HERC1: variants seen among roughly 807,000 people sequenced by gnomAD.
The protein encoded by HERC1 is probable E3 ubiquitin-protein ligase HERC1.
A neutral mutation model predicts 554.3 loss-of-function variants in HERC1; 160 were observed. That is an observed-to-expected ratio of 0.29 (90% CI 0.25 to 0.33). HERC1 has a LOEUF of 0.33. Among genes scored for constraint, HERC1 ranks in the 10% least tolerant of loss-of-function variants. The probability of loss-of-function intolerance (pLI) is 1.00; values close to 1 mark genes in which losing one functional copy is unlikely to be tolerated. For missense variants in HERC1, 4,919 were observed against 5,918.5 expected (o/e 0.83, Z 5.54); for synonymous variants, 2,175 against 2,131.7 (o/e 1.02, Z -0.56).
Position 63,633,970 on chromosome 15 carries a change from C to T in HERC1, c.12571G>A (p.Val4191Met), listed in dbSNP as rs767816509. The T allele has an allele frequency of 3.7e-6, 6 of 1,613,692 alleles. No individual in the cohort carries two copies. Among genetic ancestry groups the T allele is most frequent in the Non-Finnish European group, 5.1e-6 (6 of 1,179,806 alleles). Residue 4191 changes from valine to methionine, a missense_variant and splice_region_variant, in exon 67 of 78, where the codon GTG (valine) becomes ATG (methionine). Physicochemically the swap from Val to Met is conservative, Grantham distance 21 (BLOSUM62 1). Coordinates refer to ENST00000443617, the MANE Select transcript of HERC1 (RefSeq NM_003922.4). Reference protein sequence around the residue: ...TALEGYQIGQVACGLNHTLAV... With the variant: ...TALEGYQIGQMACGLNHTLAV... ...AAAGTGTGGTTTAATCCACAGGCCA[C>T]CTAAAGAAATAACAGCATTCCGTAA...
chr15:63,643,947 A>G (rs2069195362), intron 57 of HERC1, among the ~76,000 whole-genome samples: 1 of 152,178 alleles, frequency 6.6e-6, no homozygotes, highest in Non-Finnish European at 1.5e-5. Context: ...GACTCTATAT[A>G]AATAGATTCC....
Position 63,734,929 on chromosome 15 carries a change from A to G in HERC1, c.2521-80T>C. 1 of 1,206,272 alleles carries G rather than the reference A, an allele frequency of 8.3e-7. No individual in the cohort carries two copies. The highest frequency in any genetic ancestry group is 1.6e-5 in the African/African-American group (1 of 63,978). The allele number at this position is 1,206,272 out of a possible 1,614,324, so 74.7% of individuals were successfully genotyped here. A position where few individuals can be genotyped will look rare whatever the true frequency, so the allele number is the denominator to read the frequency against. On this transcript the variant is annotated intron_variant, in intron 12 of 77. Transcript: ENST00000443617. The surrounding 1 kb of genome is among the most constrained non-coding windows in gnomAD (Gnocchi z 4.6). Reference sequence around the variant, plus strand: ...AAACACACTTAAAGCGAACTCACTGACTACTAGGATCATGTAAGTCTAAAA... The same window carrying G: ...AAACACACTTAAAGCGAACTCACTGGCTACTAGGATCATGTAAGTCTAAAA...
Position 63,608,830 on chromosome 15 carries a change from CA to C in HERC1, c.*250del. ...CCAAAATGGTTTCATGCAAACTTAT[CA>C]AAAGTGACCAAAAATATGGAGGGAA... On this transcript the variant is annotated 3_prime_UTR_variant, in exon 78 of 78. Transcript: ENST00000443617. The C allele has an allele frequency of 2.9e-6, 1 of 345,474 alleles. No homozygotes were observed. The highest frequency in any genetic ancestry group is 5.3e-6 in the Non-Finnish European group (1 of 190,312). 21.4% of individuals were successfully genotyped at this position (345,474 alleles called of 1,614,324 possible). A position where few individuals can be genotyped will look rare whatever the true frequency, so the allele number is the denominator to read the frequency against.
At chr15:63,721,316 G>A (rs146496018) in intron 19 of HERC1, among the ~76,000 whole-genome samples, 92 of 152,250 alleles carry the variant, frequency 6.0e-4, no homozygotes, top group African/African-American at 1.4e-3. Context: ...CTGAGGTCAC[G>A]AGTTCGAGAC....
intron 21 of HERC1, among the ~76,000 whole-genome samples, chr15:63,717,375 A>C (rs566899028): frequency 6.6e-6 from 1 of 152,204 alleles, no homozygotes; most frequent in Non-Finnish European, 1.5e-5. Context: ...TGGTTTTTTA[A>C]ATCTAAGGAC....
At position 63,660,959 on chromosome 15, in the gene HERC1, TCAAAA is replaced by T. The variant is rs746888105; in HGVS notation, c.9223+9_9223+13del. The T allele has an allele frequency of 1.3e-5, 20 of 1,572,592 alleles. No individual in the cohort carries two copies. In the East Asian group the frequency reaches 4.0e-4, roughly 32 times the overall value. On this transcript the variant is annotated intron_variant, in intron 46 of 77. Transcript: ENST00000443617. ...AAAAACATGTAAAATAAAGAAGCTC[TCAAAA>T]CAAACTACCTTCATACACACTGTCT... is the stretch of plus-strand genomic sequence containing the variant.
intron 1 of HERC1, among the ~76,000 whole-genome samples, chr15:63,831,519 C>A (rs973846198): frequency 7.9e-5 from 12 of 152,124 alleles, no homozygotes; most frequent in Admixed American, 1.3e-4. Context: ...TCACAAGTTT[C>A]TTTTTATCCT....
chr15:63,610,273 G>A lies in HERC1; in HGVS notation c.14401-1007C>T, dbSNP rs547049508. Among the ~76,000 whole-genome samples, 102 of 152,322 alleles carry A rather than the reference G, an allele frequency of 6.7e-4. 2 individuals are homozygous for A. In the South Asian group the frequency reaches 0.02, roughly 30 times the overall value. On this transcript the variant is annotated intron_variant, in intron 77 of 77. Coordinates refer to ENST00000443617, the MANE Select transcript of HERC1 (RefSeq NM_003922.4). ...CAGCAGCCCAAATGCACCAGAGCCA[G>A]TGATGACACAGCTCAACGCAGAAAA... is the stretch of plus-strand genomic sequence containing the variant.
At chr15:63,630,405 A>G (rs760450885) in intron 69 of HERC1, 61 bp downstream of exon 69, 3 of 1,517,100 alleles carry the variant, frequency 2.0e-6, no homozygotes, top group African/African-American at 2.8e-5. Flanking sequence ...TCTTTCCCCA[A>G]CTGAGGAACA....
chr15:63,685,520 C>T (rs1032409085), intron 34 of HERC1, among the ~76,000 whole-genome samples: 11 of 152,212 alleles, frequency 7.2e-5, no homozygotes, highest in African/African-American at 2.4e-4. Flanking sequence ...GACTAATCTA[C>T]ATTTTAAAAG....
At chr15:63,725,797 C>T (rs1406646280) in intron 17 of HERC1, among the ~76,000 whole-genome samples, 32 of 152,024 alleles carry the variant, frequency 2.1e-4, no homozygotes, top group Non-Finnish European at 1.0e-4. Context: ...AATTATATTC[C>T]TACTTTTCAT....
Position 63,747,061 on chromosome 15 carries a change from G to A in HERC1, c.2377C>T (p.Leu793=), listed in dbSNP as rs755274582. ...SSREHHSFLK[L]CLKLLSNHLA... is the part of the protein sequence containing the mutation. ...TGATTTGAAAGTAGCTTCAGGCACAGCTTGAGAAAACTGTGGTGTTCTCTG... is the reference window on the plus strand; with the variant it reads ...TGATTTGAAAGTAGCTTCAGGCACAACTTGAGAAAACTGTGGTGTTCTCTG... Residue 793 remains leucine (L), a synonymous_variant, in exon 12 of 78, where the codon CTG becomes TTG. Transcript: ENST00000443617. 2 of 1,596,922 alleles carry A rather than the reference G, an allele frequency of 1.3e-6. No individual in the cohort carries two copies. The highest frequency in any genetic ancestry group is 1.7e-5 in the Admixed American group (1 of 57,734).
chr15:63,625,749 C>T (rs888146409), intron 71 of HERC1, among the ~76,000 whole-genome samples: 5 of 151,178 alleles, frequency 3.3e-5, no homozygotes, highest in African/African-American at 1.2e-4. Flanking sequence ...GCCATTCATA[C>T]TTGATTTCTG....
At chr15:63,693,881 GA>G in intron 30 of HERC1, 82 bp downstream of exon 30, 1 of 1,353,532 alleles carries the variant, frequency 7.4e-7, no homozygotes, top group Non-Finnish European at 1.0e-6. Flanking sequence ...TAAGGAAGAG[GA>G]ACTCTACATC....
chr15:63,789,508 G>A (rs1254556906), intron 1 of HERC1, among the ~76,000 whole-genome samples: 1 of 151,976 alleles, frequency 6.6e-6, no homozygotes. Flanking sequence ...TATCAATAAT[G>A]AAACTGAGGT....
intron 25 of HERC1, among the ~76,000 whole-genome samples, chr15:63,703,616 G>C (rs1030059497): frequency 1.3e-5 from 2 of 152,050 alleles, no homozygotes; most frequent in African/African-American, 2.4e-5. Flanking sequence ...GGCCAGGCAC[G>C]GTGGCTCATT....
At position 63,729,667 on chromosome 15, in the gene HERC1, G is replaced by T; in HGVS notation, c.2869-18C>A. The T allele has an allele frequency of 6.2e-7, 1 of 1,612,108 alleles. No homozygotes were observed. Among genetic ancestry groups the T allele is most frequent in the Non-Finnish European group, 8.5e-7 (1 of 1,178,614 alleles). On this transcript the variant is annotated intron_variant, in intron 14 of 77. Transcript: ENST00000443617. ...GCTTGATCCTAAAATGACACACAAA[G>T]GAAGTTTATATTTGAAGTGCTTGAA...
intron 19 of HERC1, among the ~76,000 whole-genome samples, chr15:63,721,694 C>CA (rs1467835749): frequency 4.0e-5 from 6 of 150,060 alleles, no homozygotes; most frequent in Non-Finnish European, 5.9e-5. Flanking sequence ...AAAGAAAATC[C>CA]AAAAAAAATG....
chr15:63,804,414 G>A (rs1040893904), intron 1 of HERC1, among the ~76,000 whole-genome samples: 2 of 151,904 alleles, frequency 1.3e-5, no homozygotes, highest in African/African-American at 4.8e-5. Flanking sequence ...GGTGAAACCC[G>A]TCTCTACTAA....
Sources: allele counts gnomAD v4.1 joint callset (sites outside exome capture counted in the v4.1 genomes callset), GRCh38; gene constraint gnomAD v4.1.1; non-coding constraint Gnocchi (gnomAD v3.1); transcripts MANE v1.5; gene names NCBI Gene and HGNC (gene_info 2026-07-23, HGNC 2026-07-21).